Variants in PYHIN1 observed in about 807,000 individuals in gnomAD.
PYHIN1 encodes pyrin and HIN domain family member 1, also known as pyrin and HIN domain-containing protein 1.
PYHIN1 carries 32 observed loss-of-function variants against 43.7 expected under a neutral mutation model. That is an observed-to-expected ratio of 0.73 (90% CI 0.55 to 0.98). The LOEUF is 0.98. PYHIN1 is among the 50% of genes least tolerant of loss of function. The pLI, the probability that PYHIN1 is intolerant of heterozygous loss-of-function variation, is 0.00. For synonymous variants in PYHIN1, 205 were observed against 203.1 expected (o/e 1.01, Z -0.08); for missense variants, 588 against 589.5 (o/e 1.00, Z 0.03).
intron 7 of PYHIN1, among the ~76,000 whole-genome samples, chr1:158,960,679 C>A (rs532311431): frequency 6.6e-6 from 1 of 152,304 alleles, no homozygotes; most frequent in East Asian, 1.9e-4. Flanking sequence ...AAACAAGAAG[C>A]AGCCTATTCT....
rs560336361 is a variant in PYHIN1 at position 158,953,993 on chromosome 1, G to A, written c.1359+8951G>A. ...AGCCGATGCGATCAACTGGAAGAAA[G>A]GGTATCAGCAATGGAAGATGAAATG... On this transcript the variant is annotated intron_variant, in intron 7 of 8. Transcript: ENST00000368140. Among the ~76,000 whole-genome samples the A allele has an allele frequency of 2.6e-4, 32 of 121,032 alleles. 1 individual carries two copies. The South Asian group carries it at 9.0e-3, about 34-fold the overall frequency. 79.4% of individuals were successfully genotyped at this position (121,032 alleles called of 152,430 possible). A position where few individuals can be genotyped will look rare whatever the true frequency, so the allele number is the denominator to read the frequency against.
chr1:158,947,398 C>A (rs1649281955), intron 7 of PYHIN1, among the ~76,000 whole-genome samples: 1 of 152,132 alleles, frequency 6.6e-6, no homozygotes, highest in African/African-American at 2.4e-5. Context: ...TTGTTTATGG[C>A]CATACCTCAG....
chr1:158,981,486 T>C (rs1651481690), downstream of PYHIN1, among the ~76,000 whole-genome samples: 1 of 152,082 alleles, frequency 6.6e-6, no homozygotes. Flanking sequence ...GATAAAGAAA[T>C]AAATAAACAA....
chr1:158,939,737 T>TG, intron 4 of PYHIN1: 2 of 554,568 alleles, frequency 3.6e-6, no homozygotes, highest in South Asian at 2.7e-5. Flanking sequence ...AGGTTAAATC[T>TG]TCATGGTGTT....
chr1:158,980,780 C>T (rs900719743), downstream of PYHIN1, among the ~76,000 whole-genome samples: 5 of 152,108 alleles, frequency 3.3e-5, no homozygotes, highest in African/African-American at 4.8e-5. Flanking sequence ...CCCTTTGTCC[C>T]GTTCCCTCAG....
downstream of PYHIN1, among the ~76,000 whole-genome samples, chr1:158,980,485 G>A (rs1011173577): frequency 6.6e-6 from 1 of 152,058 alleles, no homozygotes; most frequent in Non-Finnish European, 1.5e-5. Context: ...TTCCTAGCAA[G>A]GAATGTTAAT....
chr1:158,939,779 G>C, intron 4 of PYHIN1: 1 of 508,206 alleles, frequency 2.0e-6, no homozygotes, highest in Non-Finnish European at 3.5e-6. Flanking sequence ...CTTTTCTACT[G>C]TTTATGACAA....
intron 8 of PYHIN1, among the ~76,000 whole-genome samples, chr1:158,974,297 C>T (rs1256315239): frequency 6.6e-6 from 1 of 152,032 alleles, no homozygotes; most frequent in Non-Finnish European, 1.5e-5. Context: ...ATATTCTCCT[C>T]CTGCCATAGA....
chr1:158,955,052 C>T (rs1368852912), intron 7 of PYHIN1, among the ~76,000 whole-genome samples: 2 of 152,034 alleles, frequency 1.3e-5, no homozygotes, highest in Non-Finnish European at 2.9e-5. Flanking sequence ...GAAGAGCTAA[C>T]TATCCTAAAT....
the PYHIN1 span, among the ~76,000 whole-genome samples, chr1:158,983,130 A>ATT: frequency 8.0e-5 from 12 of 150,622 alleles, no homozygotes. Context: ...GACGTCTTTT[A>ATT]TTTTTTTTTC....
chr1:158,988,514 AAT>A, the PYHIN1 span, among the ~76,000 whole-genome samples: 1 of 152,184 alleles, frequency 6.6e-6, no homozygotes, highest in Non-Finnish European at 1.5e-5. Context: ...TGTTGCTAGA[AAT>A]ATAAATGTTA....
intron 7 of PYHIN1, among the ~76,000 whole-genome samples, chr1:158,970,975 G>C (rs191744531): frequency 6.6e-6 from 1 of 152,150 alleles, no homozygotes; most frequent in Admixed American, 6.6e-5. Flanking sequence ...ATTCAACTTA[G>C]TCAACTAAAA....
chr1:158,973,757 AG>A lies in PYHIN1; in HGVS notation c.1471del (p.Val491PhefsTer4). ...SDTSTNRHPA[V>X]P The stretch of plus-strand genomic sequence containing the variant: ...ACACTTCCACCAACCGCCATCCAGC[AG>A]TTCCTTAAATAAGGTACCACCTTTC... On this transcript the variant is annotated frameshift_variant, in exon 8 of 9. Transcript: ENST00000368140. LOFTEE classifies it high-confidence loss of function. 1 of 1,612,976 alleles carries A rather than the reference AG, an allele frequency of 6.2e-7. No individual in the cohort carries two copies. The highest frequency in any genetic ancestry group is 1.1e-5 in the South Asian group (1 of 91,044).
In PYHIN1 at chr1:158,937,096, G is replaced by A. The variant is rs763075524; in HGVS notation, c.186G>A (p.Leu62=). ...MEEKFPGDAG[L]GKLIEFFKEI... The stretch of plus-strand genomic sequence containing the variant: ...AAAAGTTCCCAGGTGATGCCGGTTT[G>A]GGCAAACTAATAGAATTCTTCAAAG... Residue 62 remains leucine, a synonymous_variant, in exon 2 of 9, where the codon TTG becomes TTA. Coordinates refer to ENST00000368140, the MANE Select transcript of PYHIN1 (RefSeq NM_152501.5). 1.1e-5 allele frequency: 17 copies of A among 1,613,736 alleles called. No homozygotes were observed. The Admixed American group carries it at 2.3e-4, about 22-fold the overall frequency.
intron 1 of PYHIN1, 37 bp from the exon 2 acceptor site, chr1:158,936,854 T>C: frequency 2.2e-6 from 3 of 1,382,636 alleles, no homozygotes; most frequent in Non-Finnish European, 2.9e-6. Context: ...ATTCTCTGTA[T>C]ACATGTGTAA....
the PYHIN1 span, among the ~76,000 whole-genome samples, chr1:158,986,765 A>G: frequency 1.3e-5 from 2 of 152,152 alleles, no homozygotes; most frequent in Non-Finnish European, 2.9e-5. Flanking sequence ...GTCCATGTCC[A>G]TGCTCCACTG....
At chr1:158,939,386 A>C in intron 4 of PYHIN1, 139 bp downstream of exon 4, 1 of 1,586,926 alleles carries the variant, frequency 6.3e-7, no homozygotes, top group Non-Finnish European at 8.6e-7. Flanking sequence ...CTGCATTTTA[A>C]TCTTTTGCTT....
intron 1 of PYHIN1, among the ~76,000 whole-genome samples, chr1:158,936,571 T>C (rs1336359747): frequency 6.6e-6 from 1 of 152,086 alleles, no homozygotes; most frequent in East Asian, 1.9e-4. Context: ...TAATCCAGCA[T>C]ATAAACAGAA....
At chr1:158,962,450 G>A (rs552600162) in intron 7 of PYHIN1, among the ~76,000 whole-genome samples, 17 of 152,308 alleles carry the variant, frequency 1.1e-4, no homozygotes, top group African/African-American at 3.4e-4. Context: ...TGATCGGACC[G>A]TTGTATCCGT....
Sources: gnomAD v4.1 joint callset for allele counts (sites outside exome capture counted in the v4.1 genomes callset) on GRCh38, gnomAD v4.1.1 for gene constraint, MANE v1.5 for transcripts, NCBI Gene and HGNC (gene_info 2026-07-23, HGNC 2026-07-21) for gene names.